CDH23: variants seen among roughly 807,000 people sequenced by gnomAD.
CDH23 encodes cadherin related 23, also known as cadherin-23.
Under a neutral mutation model 317.1 loss-of-function variants are expected in CDH23, and 189 were observed. The ratio of observed to expected loss-of-function variants is 0.60; its 90% CI spans 0.53 to 0.67. The LOEUF is 0.67. Among genes scored for constraint, CDH23 ranks in the 30% least tolerant of loss-of-function variants. The probability of loss-of-function intolerance (pLI) is 0.00; values close to 1 mark genes in which losing one functional copy is unlikely to be tolerated. For synonymous variants in CDH23, 1,839 were observed against 1,876.8 expected (o/e 0.98, Z 0.52); for missense variants, 4,401 against 4,592.4 (o/e 0.96, Z 1.20).
intron 6 of CDH23, among the ~76,000 whole-genome samples, chr10:71,534,674 A>G (rs1195648303): frequency 1.3e-5 from 2 of 152,172 alleles, no homozygotes; most frequent in Non-Finnish European, 2.9e-5. Context: ...CTTCCCTGAA[A>G]TGTTCGACCC....
At chr10:71,417,227 C>G (rs941350046) in intron 1 of CDH23, among the ~76,000 whole-genome samples, 1 of 152,006 alleles carries the variant, frequency 6.6e-6, no homozygotes, top group African/African-American at 2.4e-5. Context: ...CAGGCGCACA[C>G]CACCACACCC....
chr10:71,428,206 C>T lies in CDH23; in HGVS notation c.-5-11621C>T, dbSNP rs185866524. On this transcript the variant is annotated intron_variant, in intron 1 of 69. Coordinates refer to ENST00000224721, the MANE Select transcript of CDH23 (RefSeq NM_022124.6). ...AGGCTGGAGTGCAGTGGCACGATCT[C>T]GGCTTACTGCAACCTCCGCCTCCTG... Among the ~76,000 whole-genome samples, 35 of 147,048 alleles carry T rather than the reference C, an allele frequency of 2.4e-4. No individual in the cohort carries two copies. The East Asian group carries it at 6.2e-3, about 26-fold the overall frequency.
At chr10:71,618,996 A>C (rs1049392696) in intron 11 of CDH23, among the ~76,000 whole-genome samples, 2 of 152,216 alleles carry the variant, frequency 1.3e-5, no homozygotes, top group Non-Finnish European at 2.9e-5. Context: ...CCATGGTCCT[A>C]GGAGTCAACA....
intron 1 of CDH23, among the ~76,000 whole-genome samples, chr10:71,419,796 T>A (rs1416312805): frequency 1.3e-5 from 2 of 152,212 alleles, no homozygotes; most frequent in South Asian, 2.1e-4. Flanking sequence ...GGTGAACTCA[T>A]CTAATTTAAC....
At chr10:71,422,500 A>G (rs1345381362) in intron 1 of CDH23, among the ~76,000 whole-genome samples, 2 of 152,220 alleles carry the variant, frequency 1.3e-5, no homozygotes, top group Admixed American at 6.5e-5. Flanking sequence ...ACATGCCAAT[A>G]TCCTTCCCTT....
intron 6 of CDH23, among the ~76,000 whole-genome samples, chr10:71,515,388 TCTCTCTCACACACA>T (rs1184798914): frequency 3.4e-5 from 4 of 117,762 alleles, no homozygotes; most frequent in African/African-American, 1.3e-4. Context: ...TCTCTCTCTC[TCTCTCTCACACACA>T]CACACACACA....
chr10:71,615,768 G>A (rs1861153345), intron 10 of CDH23, among the ~76,000 whole-genome samples, 152 bp downstream of exon 10: 1 of 152,338 alleles, frequency 6.6e-6, no homozygotes, highest in African/African-American at 2.4e-5. Flanking sequence ...TCCCGGGGCT[G>A]TGCCCAGGGC....
In CDH23 at chr10:71,779,421, A is replaced by T; in HGVS notation, c.5342A>T (p.Tyr1781Phe). 2 of 1,610,470 alleles carry T rather than the reference A, an allele frequency of 1.2e-6. No homozygotes were observed. Among genetic ancestry groups the T allele is most frequent in the Non-Finnish European group, 1.7e-6 (2 of 1,177,028 alleles). ...TCAGGACCCAACGGGCAGGTGGAGT[A>T]CAGCATCATGGATGGAGACCCTCTG... ...RDSGPNGQVEYSIMDGDPLGE... is the reference protein window; with the variant it reads ...RDSGPNGQVEFSIMDGDPLGE... The change falls in exon 41 of 70, where the codon TAC becomes TTC. Residue 1781 changes from tyrosine (Y) to phenylalanine (F), a missense_variant. This residue lies in a region of CDH23 where 3,068 missense variants were observed against 3,203.3 expected (regional missense o/e 0.96). Coordinates refer to ENST00000224721, the MANE Select transcript of CDH23 (RefSeq NM_022124.6).
chr10:71,516,815 C>T (rs778413794), intron 6 of CDH23, among the ~76,000 whole-genome samples: 1 of 152,180 alleles, frequency 6.6e-6, no homozygotes, highest in Non-Finnish European at 1.5e-5. Flanking sequence ...TTCACTTCTA[C>T]CTGCAAAGTA....
intron 17 of CDH23, among the ~76,000 whole-genome samples, chr10:71,679,803 G>A (rs1364494250): frequency 6.6e-6 from 1 of 152,228 alleles, no homozygotes; most frequent in African/African-American, 2.4e-5. Context: ...CAAGGCTGCA[G>A]GCAGGTCCGT....
Position 71,751,593 on chromosome 10 carries a change from T to A in CDH23, c.4845+9672T>A. The A allele has an allele frequency of 6.8e-7, 1 of 1,464,712 alleles. No individual in the cohort carries two copies. Among genetic ancestry groups the A allele is most frequent in the Middle Eastern group, 2.5e-4 (1 of 3,930 alleles). The allele number at this position is 1,464,712 out of a possible 1,614,324, so 90.7% of individuals were successfully genotyped here. On this transcript the variant is annotated intron_variant, in intron 38 of 69. Coordinates refer to ENST00000224721, the MANE Select transcript of CDH23 (RefSeq NM_022124.6). The surrounding 1 kb of genome is among the most constrained non-coding windows in gnomAD (Gnocchi z 4.9). ...GGAACTCTTCAGGGAGGGCAGGGAGTGAGGCCGATGCCCTGCAGGCCATGA... is the reference window on the plus strand; with the variant it reads ...GGAACTCTTCAGGGAGGGCAGGGAGAGAGGCCGATGCCCTGCAGGCCATGA...
Position 71,778,212 on chromosome 10 carries a change from G to T in CDH23, c.5091G>T (p.Glu1697Asp), listed in dbSNP as rs376721494. ...AGGGTGTCATCACTGCTGCCAAAGAGCTGGACTACGAGATCAGCCACGGCC... is the reference window on the plus strand; with the variant it reads ...AGGGTGTCATCACTGCTGCCAAAGATCTGGACTACGAGATCAGCCACGGCC... ...RHMGVITAAK[E>D]LDYEISHGRY... Residue 1697 changes from glutamate (E) to aspartate (D), a missense_variant, in exon 40 of 70, where the codon GAG becomes GAT. Transcript: ENST00000224721. 1 of 1,613,726 alleles carries T rather than the reference G, an allele frequency of 6.2e-7. No individual in the cohort carries two copies. Among genetic ancestry groups the T allele is most frequent in the East Asian group, 2.2e-5 (1 of 44,890 alleles).
chr10:71,484,696 T>G (rs1460549375), intron 3 of CDH23, among the ~76,000 whole-genome samples: 1 of 152,212 alleles, frequency 6.6e-6, no homozygotes, highest in Non-Finnish European at 1.5e-5. Flanking sequence ...TCTATCTTGT[T>G]TCTGATCTCA....
In CDH23 at chr10:71,751,181, C is replaced by G. The variant is rs977319560; in HGVS notation, c.4845+9260C>G. 44 of 1,534,080 alleles carry G rather than the reference C, an allele frequency of 2.9e-5. No homozygotes were observed. The highest frequency in any genetic ancestry group is 3.7e-5 in the Non-Finnish European group (42 of 1,128,634). ...CAGGGCCGAGGCCAAGGAGGCCACT[C>G]ACAGAGCCAGCCCTGGCTCAAATGC... On this transcript the variant is annotated intron_variant, in intron 38 of 69. Transcript: ENST00000224721. The surrounding 1 kb of genome is among the most constrained non-coding windows in gnomAD (Gnocchi z 4.9).
intron 45 of CDH23, 122 bp from the exon 46 acceptor site, chr10:71,790,166 G>A (rs1217607788): frequency 5.1e-6 from 7 of 1,378,964 alleles, no homozygotes; most frequent in South Asian, 2.9e-5. Context: ...TCCCCACCCT[G>A]TCCACCTCAC....
At chr10:71,416,712 C>A (rs545783786) in intron 1 of CDH23, among the ~76,000 whole-genome samples, 3 of 152,210 alleles carry the variant, frequency 2.0e-5, no homozygotes, top group Non-Finnish European at 4.4e-5. Context: ...GTCACCCAGG[C>A]TAGAGTGTGC....
Position 71,643,854 on chromosome 10 carries a change from T to C in CDH23, c.1135-7T>C, listed in dbSNP as rs397517303. ...ATATCCTTTGACTGACCGACTCCCA[T>C]TGACAGAATTTGGTAAGTGAGCCTC... On this transcript the variant is annotated splice_region_variant and splice_polypyrimidine_tract_variant and intron_variant, in intron 11 of 69. Transcript: ENST00000224721. The C allele has an allele frequency of 1.3e-5, 10 of 766,168 alleles. No individual in the cohort carries two copies. Among genetic ancestry groups the C allele is most frequent in the Middle Eastern group, 4.5e-4 (2 of 4,438 alleles). 47.5% of individuals were successfully genotyped at this position (766,168 alleles called of 1,614,324 possible).
Position 71,739,700 on chromosome 10 carries a change from CA to C in CDH23, c.4418del (p.Asn1473MetfsTer43). 1 of 1,613,524 alleles carries C rather than the reference CA, an allele frequency of 6.2e-7. No homozygotes were observed. On this transcript the variant is annotated frameshift_variant, in exon 36 of 70. Transcript: ENST00000224721. LOFTEE classifies it high-confidence loss of function. ...IAGAFEIVTT[N>X]DSIGEVFVAR... ...CGGGGGCCTTTGAGATCGTCACCAC[CA>C]ATGACTCCATTGGCGAAGTGTTTGT... is the stretch of plus-strand genomic sequence containing the variant.
chr10:71,795,374 C>A (rs1841371218), intron 48 of CDH23, among the ~76,000 whole-genome samples: 1 of 152,042 alleles, frequency 6.6e-6, no homozygotes, highest in Non-Finnish European at 1.5e-5. Context: ...CAGCTACATC[C>A]CAGGTTAGCA....
Sources: allele counts gnomAD v4.1 joint callset (sites outside exome capture counted in the v4.1 genomes callset), GRCh38; gene constraint gnomAD v4.1.1; regional missense constraint gnomAD v4.1.1; non-coding constraint Gnocchi (gnomAD v3.1); transcripts MANE v1.5; gene names NCBI Gene and HGNC (gene_info 2026-07-23, HGNC 2026-07-21).